The following SH3GL2 variants were observed in gnomAD, a reference collection of about 807,000 sequenced individuals.
SH3GL2 encodes SH3 domain containing GRB2 like 2, endophilin A1.
A neutral mutation model predicts 46.0 loss-of-function variants in SH3GL2; 24 were observed. The ratio of observed to expected loss-of-function variants is 0.52; its 90% CI spans 0.38 to 0.73. The LOEUF (loss-of-function observed/expected upper bound fraction) is 0.73, where lower values mean the gene tolerates loss of function less well. SH3GL2 is among the 30% of genes least tolerant of loss of function. The pLI, the probability that SH3GL2 is intolerant of heterozygous loss-of-function variation, is 0.00. For synonymous variants in SH3GL2, 196 were observed against 147.1 expected (o/e 1.33, Z -2.40); for missense variants, 413 against 424.2 (o/e 0.97, Z 0.23).
intron 1 of SH3GL2, chr9:17,735,868 C>A: frequency 3.2e-6 from 1 of 312,148 alleles, no homozygotes; most frequent in Non-Finnish European, 4.7e-6. Flanking sequence ...TCTATTGCAG[C>A]AGCCTTTCCT....
intron 4 of SH3GL2, 23 bp downstream of exon 4, chr9:17,786,547 G>A (rs771860776): frequency 6.2e-7 from 1 of 1,609,620 alleles, no homozygotes; most frequent in South Asian, 1.1e-5. Flanking sequence ...TCCTCACATT[G>A]TAATTCTTTC....
intron 1 of SH3GL2, among the ~76,000 whole-genome samples, chr9:17,623,039 T>TCCTTTCCTTTCCTTTCCTTC (rs1563786548): frequency 3.6e-5 from 3 of 84,216 alleles, no homozygotes; most frequent in Non-Finnish European, 4.5e-5. Context: ...TCCTTTCCTT[T>TCCTTTCCTTTCCTTTCCTTC]CCTTCCCCTT....
chr9:17,768,904 T>C (rs1167682937), intron 3 of SH3GL2, among the ~76,000 whole-genome samples: 6 of 152,256 alleles, frequency 3.9e-5, no homozygotes, highest in Admixed American at 6.5e-5. Flanking sequence ...AAAGCACTTA[T>C]GTGGGTTACA....
chr9:17,676,574 C>T (rs1172964754), intron 1 of SH3GL2, among the ~76,000 whole-genome samples: 3 of 152,180 alleles, frequency 2.0e-5, no homozygotes, highest in Non-Finnish European at 4.4e-5. Context: ...CCACTGCACT[C>T]CAGCCTGGGT....
intron 1 of SH3GL2, among the ~76,000 whole-genome samples, chr9:17,728,938 A>G (rs36002549): frequency 2.6e-5 from 4 of 152,152 alleles, no homozygotes; most frequent in Non-Finnish European, 4.4e-5. Context: ...ATAAATATAC[A>G]TGTGCATGTG....
chr9:17,623,862 A>G (rs1345399350), intron 1 of SH3GL2, among the ~76,000 whole-genome samples: 2 of 152,120 alleles, frequency 1.3e-5, no homozygotes, highest in East Asian at 3.9e-4. Context: ...TAACCGCAGC[A>G]CTATTATCAA....
At position 17,628,430 on chromosome 9, in the gene SH3GL2, G is replaced by C. The variant is rs1227201774; in HGVS notation, c.45+49143G>C. Among the ~76,000 whole-genome samples, 4 of 149,122 alleles carry C rather than the reference G, an allele frequency of 2.7e-5. No individual in the cohort carries two copies. The East Asian group carries it at 7.8e-4, about 29-fold the overall frequency. On this transcript the variant is annotated intron_variant, in intron 1 of 8. Coordinates refer to ENST00000380607, the MANE Select transcript of SH3GL2 (RefSeq NM_003026.5). The stretch of plus-strand genomic sequence containing the variant: ...ATCTTGGGTGTGTGTGTGTGTGTGT[G>C]TGTGTGTGTGTGTGTGTGTGTGTAT...
intron 1 of SH3GL2, among the ~76,000 whole-genome samples, chr9:17,735,239 C>T (rs551649436): frequency 6.6e-6 from 1 of 152,086 alleles, no homozygotes; most frequent in Non-Finnish European, 1.5e-5. Context: ...GACATTAGCA[C>T]ATTACTAAGC....
chr9:17,736,383 C>A (rs114308037), intron 1 of SH3GL2, among the ~76,000 whole-genome samples: 341 of 152,096 alleles, frequency 2.2e-3, no homozygotes, highest in African/African-American at 8.0e-3. Flanking sequence ...CTTTTATTTC[C>A]TCCATAGAGA....
rs538785857 is a variant in SH3GL2, at chr9:17,770,263, G to A, written c.187+8754G>A. ...GTGTTTATATACATAGATAATAGTT[G>A]TATCTATTTTTGAATGAGAAAACTG... On this transcript the variant is annotated intron_variant, in intron 3 of 8. Transcript: ENST00000380607. Among the ~76,000 whole-genome samples the A allele has an allele frequency of 2.6e-5, 4 of 152,316 alleles. No individual in the cohort carries two copies. The East Asian group carries it at 5.8e-4, about 22-fold the overall frequency.
Position 17,686,387 on chromosome 9 carries a change from C to G in SH3GL2, c.46-60679C>G, listed in dbSNP as rs1588239111. 2.2e-5 allele frequency among the ~76,000 whole-genome samples: 3 copies of G among 133,822 alleles called. No homozygotes were observed. The South Asian group carries it at 7.8e-4, about 35-fold the overall frequency. The allele number at this position is 133,822 out of a possible 152,430, so 87.8% of individuals were successfully genotyped here. ...ATTGTGGAAGTCGGTGTGGCGATTC[C>G]TCAGGGATCTAGAACTAGAAATACC... On this transcript the variant is annotated intron_variant, in intron 1 of 8. Coordinates refer to ENST00000380607, the MANE Select transcript of SH3GL2 (RefSeq NM_003026.5).
intron 1 of SH3GL2, among the ~76,000 whole-genome samples, chr9:17,642,715 T>C (rs987339081): frequency 3.3e-5 from 5 of 152,220 alleles, no homozygotes; most frequent in African/African-American, 4.8e-5. Flanking sequence ...GGTCCATATA[T>C]CTGTTTTGGT....
chr9:17,621,068 G>C (rs1421929193), intron 1 of SH3GL2, among the ~76,000 whole-genome samples: 1 of 152,170 alleles, frequency 6.6e-6, no homozygotes, highest in African/African-American at 2.4e-5. Flanking sequence ...TTTCGTGTAT[G>C]AAAAACATGT....
intron 1 of SH3GL2, among the ~76,000 whole-genome samples, chr9:17,743,915 A>G (rs1020940590): frequency 2.0e-5 from 3 of 152,204 alleles, no homozygotes; most frequent in African/African-American, 7.2e-5. Context: ...TCTCTCAGCT[A>G]TATATTTCCT....
chr9:17,633,713 T>C lies in SH3GL2; in HGVS notation c.45+54426T>C, dbSNP rs78417408. On this transcript the variant is annotated intron_variant, in intron 1 of 8. Coordinates refer to ENST00000380607, the MANE Select transcript of SH3GL2 (RefSeq NM_003026.5). ...ACAGTCTTCTTAAACTTCTGGGAAA[T>C]AAAGGCTGAAAACAGCAGGCTTTCA... Among the ~76,000 whole-genome samples, 1,087 of 152,298 alleles carry C rather than the reference T, an allele frequency of 7.1e-3. 13 individuals are homozygous for C. Among genetic ancestry groups the C allele is most frequent in the African/African-American group, 0.024 (1,018 of 41,578 alleles).
intron 1 of SH3GL2, among the ~76,000 whole-genome samples, chr9:17,688,253 C>T (rs1427287360): frequency 6.6e-6 from 1 of 151,898 alleles, no homozygotes; most frequent in African/African-American, 2.4e-5. Context: ...CCTTTTTGGC[C>T]AAATTTTCAA....
At chr9:17,746,947 A>G in intron 1 of SH3GL2, 119 bp from the exon 2 acceptor site, 1 of 668,692 alleles carries the variant, frequency 1.5e-6, no homozygotes, top group Non-Finnish European at 2.5e-6. Flanking sequence ...CTCTCCACCT[A>G]AGTCAGGGAA....
intron 1 of SH3GL2, among the ~76,000 whole-genome samples, chr9:17,660,182 C>T (rs1426414343): frequency 1.3e-5 from 2 of 152,100 alleles, no homozygotes; most frequent in Non-Finnish European, 2.9e-5. Context: ...CGTGTGCTTT[C>T]TTTGGCCAGG....
intron 1 of SH3GL2, among the ~76,000 whole-genome samples, chr9:17,656,657 G>A (rs16935847): frequency 0.046 from 7,037 of 151,446 alleles, 530 homozygotes; most frequent in African/African-American, 0.16. Flanking sequence ...CAGATCTATT[G>A]AGGAGCATGT....
Sources: gnomAD v4.1 joint callset for allele counts (sites outside exome capture counted in the v4.1 genomes callset) on GRCh38, gnomAD v4.1.1 for gene constraint, MANE v1.5 for transcripts, NCBI Gene and HGNC (gene_info 2026-07-23, HGNC 2026-07-21) for gene names.